PLA1A: variants seen among roughly 807,000 people sequenced by gnomAD.
The protein encoded by PLA1A is phosphatidylserine-specific phospholipase A1alpha.
In PLA1A, 47 loss-of-function variants were observed where a neutral mutation model predicts 49.4. The observed-to-expected ratio is 0.95, with a 90% CI of 0.75 to 1.21. The LOEUF is 1.21. Ranked by LOEUF, PLA1A falls within the 50% of genes most tolerant of loss-of-function variation. The pLI, the probability that PLA1A is intolerant of heterozygous loss-of-function variation, is 0.00. For synonymous variants in PLA1A, 224 were observed against 207.9 expected (o/e 1.08, Z -0.67); for missense variants, 561 against 563.9 (o/e 0.99, Z 0.05).
At chr3:119,619,950 C>T (rs1483289059) in intron 8 of PLA1A, 2 of 450,214 alleles carry the variant, frequency 4.4e-6, no homozygotes, top group Admixed American at 2.8e-5. Context: ...CCGGCTGCCT[C>T]CTTTCTGCAC....
chr3:119,623,066 T>A (rs549791512), intron 8 of PLA1A, among the ~76,000 whole-genome samples: 1 of 152,324 alleles, frequency 6.6e-6, no homozygotes, highest in Non-Finnish European at 1.5e-5. Context: ...TGACCTCAGA[T>A]GATCTGCCTG....
At chr3:119,621,577 A>T (rs1169933614) in intron 8 of PLA1A, among the ~76,000 whole-genome samples, 1 of 152,252 alleles carries the variant, frequency 6.6e-6, no homozygotes, top group Non-Finnish European at 1.5e-5. Flanking sequence ...TGGGCAGAGG[A>T]TCTTCTACCA....
Position 119,619,547 on chromosome 3 carries a change from GCTT to G in PLA1A, c.923-12_923-10del. 6.3e-7 allele frequency: 1 copy of G among 1,596,734 alleles called. No individual in the cohort carries two copies. The highest frequency in any genetic ancestry group is 1.7e-5 in the Admixed American group (1 of 60,002). On this transcript the variant is annotated splice_polypyrimidine_tract_variant and intron_variant, in intron 7 of 10. Transcript: ENST00000273371. ...GCCTTCTCAGGACTCTGCTGTCTTT[GCTT>G]CTTTATTTCCAGGACTGGTGGAACA...
At position 119,628,007 on chromosome 3, in the gene PLA1A, T is replaced by TA. The variant is rs547244816; in HGVS notation, c.1122-694_1122-693insA. On this transcript the variant is annotated intron_variant, in intron 9 of 10. Coordinates refer to ENST00000273371, the MANE Select transcript of PLA1A (RefSeq NM_015900.4). ...TGAATCTTTAAACATAAAGGGAATC[T>TA]GGGGGGGCAAAGCCAAGAGGCTGGG... 2.0e-5 allele frequency among the ~76,000 whole-genome samples: 3 copies of TA among 151,836 alleles called. No homozygotes were observed. The East Asian group carries it at 5.8e-4, about 29-fold the overall frequency.
rs142046552 is a variant in PLA1A at position 119,625,022 on chromosome 3, GAGAT to G, written c.1013-98_1013-95del. On this transcript the variant is annotated intron_variant, in intron 8 of 10. Transcript: ENST00000273371. ...CTGCTCCTGGGCACACAGCCACTAA[GAGAT>G]AGAGCCAAGATTCCCAACCACACTG... 1.3e-3 allele frequency: 942 copies of G among 702,302 alleles called. 15 individuals carry two copies. In the East Asian group the frequency reaches 0.023, roughly 17 times the overall value. 43.5% of individuals were successfully genotyped at this position (702,302 alleles called of 1,614,324 possible).
At chr3:119,613,623 G>C (rs1369113132) in intron 5 of PLA1A, among the ~76,000 whole-genome samples, 1 of 152,238 alleles carries the variant, frequency 6.6e-6, no homozygotes, top group Non-Finnish European at 1.5e-5. Flanking sequence ...GCCGGGCACG[G>C]TGGCTCACGC....
At chr3:119,605,373 G>T (rs565518824) in intron 1 of PLA1A, among the ~76,000 whole-genome samples, 1 of 152,322 alleles carries the variant, frequency 6.6e-6, no homozygotes, top group East Asian at 1.9e-4. Flanking sequence ...ATGGCTTGAG[G>T]TATTCTCCAC....
Position 119,608,924 on chromosome 3 carries a change from T to A in PLA1A, c.430T>A (p.Ser144Thr). Reference protein sequence around the residue: ...KNVIKLSLEISLFLNKLLVLG... With the variant: ...KNVIKLSLEITLFLNKLLVLG... The stretch of plus-strand genomic sequence containing the variant: ...TGTGATTAAGTTGAGCCTCGAGATC[T>A]CCCTTTTCCTCAATAAACTCCTGGT... The change falls in exon 3 of 11, where the codon TCC (serine) becomes ACC (threonine). Residue 144 changes from serine to threonine, a missense_variant. Coordinates refer to ENST00000273371, the MANE Select transcript of PLA1A (RefSeq NM_015900.4). 6.2e-7 allele frequency: 1 copy of A among 1,614,040 alleles called. No individual in the cohort carries two copies.
At position 119,597,936 on chromosome 3, in the gene PLA1A, G is replaced by A; in HGVS notation, c.23G>A (p.Ser8Asn). 6.2e-7 allele frequency: 1 copy of A among 1,610,940 alleles called. No homozygotes were observed. The highest frequency in any genetic ancestry group is 8.5e-7 in the Non-Finnish European group (1 of 1,178,510). MPPGPWESCFWVGGLILW... is the reference protein window; with the variant it reads MPPGPWENCFWVGGLILW... ...GCGATGCCCCCAGGTCCCTGGGAGA[G>A]CTGCTTCTGGGTGGGGGGCCTCATT... Residue 8 changes from serine to asparagine, a missense_variant, in exon 1 of 11, where the codon AGC (serine) becomes AAC (asparagine). Ser to Asn is a conservative substitution (Grantham distance 46). Coordinates refer to ENST00000273371, the MANE Select transcript of PLA1A (RefSeq NM_015900.4).
rs140754241 is a variant in PLA1A, at chr3:119,603,689, A to G, written c.74-3085A>G. On this transcript the variant is annotated intron_variant, in intron 1 of 10. Coordinates refer to ENST00000273371, the MANE Select transcript of PLA1A (RefSeq NM_015900.4). ...AAAATTTTAAATAGTTTATTTGAACAAACAGTGATTTATGGTTTGGGCTGC... is the reference window on the plus strand; with the variant it reads ...AAAATTTTAAATAGTTTATTTGAACGAACAGTGATTTATGGTTTGGGCTGC... 7.2e-3 allele frequency among the ~76,000 whole-genome samples: 1,095 copies of G among 152,370 alleles called. 15 individuals carry two copies. Among genetic ancestry groups the G allele is most frequent in the African/African-American group, 0.025 (1,020 of 41,582 alleles).
At chr3:119,605,680 T>C (rs2082676751) in intron 1 of PLA1A, among the ~76,000 whole-genome samples, 1 of 152,178 alleles carries the variant, frequency 6.6e-6, no homozygotes. Flanking sequence ...TTGGGATGCA[T>C]GGAAGTCAGG....
chr3:119,629,502 T>TC lies in PLA1A; in HGVS notation c.*34_*35insC. 3.4e-6 allele frequency: 4 copies of TC among 1,177,788 alleles called. No individual in the cohort carries two copies. Among genetic ancestry groups the TC allele is most frequent in the Non-Finnish European group, 5.1e-6 (4 of 788,676 alleles). 73.0% of individuals were successfully genotyped at this position (1,177,788 alleles called of 1,614,324 possible). A position where few individuals can be genotyped will look rare whatever the true frequency, so the allele number is the denominator to read the frequency against. ...GGGCAGGACACATCTCCCTGCATTTTTTTTTTTTTTTTGAGAGAGAGGTGT... is the reference window on the plus strand; with the variant it reads ...GGGCAGGACACATCTCCCTGCATTTTCTTTTTTTTTTTTGAGAGAGAGGTGT... On this transcript the variant is annotated 3_prime_UTR_variant, in exon 11 of 11. Coordinates refer to ENST00000273371, the MANE Select transcript of PLA1A (RefSeq NM_015900.4).
chr3:119,605,511 T>A (rs910545442), intron 1 of PLA1A, among the ~76,000 whole-genome samples: 1 of 152,244 alleles, frequency 6.6e-6, no homozygotes, highest in Admixed American at 6.5e-5. Flanking sequence ...AAAGTTACTG[T>A]CTTCCTCAAC....
intron 8 of PLA1A, among the ~76,000 whole-genome samples, chr3:119,624,653 C>T (rs760653919): frequency 2.0e-5 from 3 of 149,654 alleles, no homozygotes; most frequent in Non-Finnish European, 3.0e-5. Context: ...TTTTTTTAGA[C>T]GGAGTCTTGC....
chr3:119,604,734 A>T (rs1408490091), intron 1 of PLA1A, among the ~76,000 whole-genome samples: 1 of 152,214 alleles, frequency 6.6e-6, no homozygotes, highest in Non-Finnish European at 1.5e-5. Flanking sequence ...AAAAATTTTT[A>T]AAAATCTTGA....
chr3:119,617,386 G>A (rs1009962880), intron 6 of PLA1A, among the ~76,000 whole-genome samples: 1 of 152,032 alleles, frequency 6.6e-6, no homozygotes, highest in African/African-American at 2.4e-5. Flanking sequence ...TTTGAGAAAT[G>A]GGGCAGCATC....
intron 6 of PLA1A, among the ~76,000 whole-genome samples, chr3:119,616,373 A>G (rs561199905): frequency 6.6e-6 from 1 of 152,320 alleles, no homozygotes; most frequent in South Asian, 2.1e-4. Context: ...AAAGCTGGTG[A>G]GCAGAAGGAT....
chr3:119,603,036 G>A (rs1420034208), intron 1 of PLA1A, among the ~76,000 whole-genome samples: 5 of 152,210 alleles, frequency 3.3e-5, no homozygotes, highest in Non-Finnish European at 7.3e-5. Flanking sequence ...AGTGATTGTA[G>A]CATAAGGCAA....
intron 4 of PLA1A, among the ~76,000 whole-genome samples, chr3:119,610,949 T>C (rs993396596): frequency 6.6e-6 from 1 of 152,210 alleles, no homozygotes; most frequent in Non-Finnish European, 1.5e-5. Context: ...TTCGAGGTCT[T>C]ACATTTAAGT....
Sources: gnomAD v4.1 joint callset for allele counts (sites outside exome capture counted in the v4.1 genomes callset) on GRCh38, gnomAD v4.1.1 for gene constraint, MANE v1.5 for transcripts, NCBI Gene and HGNC (gene_info 2026-07-23, HGNC 2026-07-21) for gene names.